The following PRELID2 variants were observed in gnomAD, a reference collection of about 807,000 sequenced individuals.
The protein encoded by PRELID2 is PRELI domain containing 2, also known as PRELI domain-containing protein 2.
PRELID2 carries 25 observed loss-of-function variants against 28.4 expected under a neutral mutation model. The ratio of observed to expected loss-of-function variants is 0.88; its 90% confidence interval spans 0.64 to 1.23. The LOEUF (loss-of-function observed/expected upper bound fraction) is 1.23, where lower values mean the gene tolerates loss of function less well. Ranked by LOEUF, PRELID2 falls within the 50% of genes most tolerant of loss-of-function variation. The pLI is 0.00. For synonymous variants in PRELID2, 76 were observed against 71.6 expected (o/e 1.06, Z -0.31); for missense variants, 201 against 214.4 (o/e 0.94, Z 0.39).
rs573246565 is a variant in PRELID2, at chr5:145,746,244, C to T, written n.70+18687G>A. ...GCAAATTAGATAAAGAGTCAAGACCCGTCGGCGTGCTGTATTCAGGAGACC... is the reference window on the plus strand; with the variant it reads ...GCAAATTAGATAAAGAGTCAAGACCTGTCGGCGTGCTGTATTCAGGAGACC... On this transcript the variant is annotated intron_variant and non_coding_transcript_variant, in intron 1 of 2. Coordinates refer to the PRELID2 transcript ENST00000510259. Among the ~76,000 whole-genome samples the T allele has an allele frequency of 1.6e-4, 24 of 152,198 alleles. No individual in the cohort carries two copies. In the South Asian group the frequency reaches 4.0e-3, roughly 25 times the overall value.
At chr5:145,293,262 A>G in the PRELID2 span, among the ~76,000 whole-genome samples, 2 of 150,960 alleles carry the variant, frequency 1.3e-5, no homozygotes, top group African/African-American at 2.4e-5. Flanking sequence ...AGACTTGGGT[A>G]TCTAAGTATT....
At chr5:145,342,255 A>G in the PRELID2 span, among the ~76,000 whole-genome samples, 1 of 152,174 alleles carries the variant, frequency 6.6e-6, no homozygotes, top group African/African-American at 2.4e-5. Flanking sequence ...AAAAGGTTCA[A>G]AAGAGTCCCA....
the PRELID2 span, among the ~76,000 whole-genome samples, chr5:145,295,410 T>G: frequency 2.6e-5 from 4 of 152,134 alleles, no homozygotes; most frequent in Non-Finnish European, 5.9e-5. Flanking sequence ...CCAAACATAG[T>G]TAATTGTGAA....
At chr5:145,571,633 G>A (rs1452962789) in intron 1 of PRELID2, among the ~76,000 whole-genome samples, 1 of 152,074 alleles carries the variant, frequency 6.6e-6, no homozygotes, top group African/African-American at 2.4e-5. Context: ...CTTGATCCAG[G>A]AGAGAATTAA....
chr5:145,547,806 A>G (rs938631299), intron 1 of PRELID2, among the ~76,000 whole-genome samples: 1 of 152,226 alleles, frequency 6.6e-6, no homozygotes, highest in Non-Finnish European at 1.5e-5. Context: ...ATCTGAATAA[A>G]TTAAAGGAAC....
chr5:145,438,559 A>G, the PRELID2 span, among the ~76,000 whole-genome samples: 3 of 152,132 alleles, frequency 2.0e-5, no homozygotes, highest in Non-Finnish European at 4.4e-5. Flanking sequence ...AACTGTCAGG[A>G]TTTTTATTAT....
the PRELID2 span, among the ~76,000 whole-genome samples, chr5:145,418,378 G>GA: frequency 5.0e-4 from 76 of 151,774 alleles, no homozygotes; most frequent in Non-Finnish European, 7.8e-4. Flanking sequence ...CACAGAATTA[G>GA]AAAAAAAACT....
the PRELID2 span, among the ~76,000 whole-genome samples, chr5:145,376,435 TCTC>T: frequency 1.3e-5 from 2 of 152,144 alleles, no homozygotes; most frequent in East Asian, 1.9e-4. Context: ...AGGAGTCCCT[TCTC>T]CTCAATTTTT....
chr5:145,661,345 G>T (rs895335522), intron 1 of PRELID2, among the ~76,000 whole-genome samples: 1 of 151,848 alleles, frequency 6.6e-6, no homozygotes, highest in African/African-American at 2.4e-5. Flanking sequence ...TTTTATTTGC[G>T]CCAAGTCTTA....
chr5:145,815,403 T>C (rs143837324), intron 4 of PRELID2, among the ~76,000 whole-genome samples: 41 of 152,372 alleles, frequency 2.7e-4, no homozygotes, highest in Admixed American at 1.2e-3. Context: ...TATCGTTTTC[T>C]GTATTGAGAT....
chr5:145,289,388 A>C, the PRELID2 span, among the ~76,000 whole-genome samples: 1 of 152,188 alleles, frequency 6.6e-6, no homozygotes, highest in African/African-American at 2.4e-5. Context: ...GGAACCTAGC[A>C]ATATGGACTT....
the PRELID2 span, among the ~76,000 whole-genome samples, chr5:145,393,780 G>A: frequency 6.6e-6 from 1 of 152,160 alleles, no homozygotes; most frequent in African/African-American, 2.4e-5. Flanking sequence ...TACGTGTGGA[G>A]AAAATTTTAG....
At chr5:145,677,145 G>C (rs146193353) in intron 1 of PRELID2, among the ~76,000 whole-genome samples, 2,811 of 146,594 alleles carry the variant, frequency 0.019, 100 homozygotes, top group African/African-American at 0.067. Flanking sequence ...TTTGTTTTTT[G>C]GTTTTGGTTT....
the PRELID2 span, among the ~76,000 whole-genome samples, chr5:145,265,508 C>T: frequency 1.3e-3 from 193 of 152,124 alleles, 4 homozygotes; most frequent in East Asian, 0.031. Context: ...CCTGCACAGC[C>T]AAAGCAAGAC....
chr5:145,336,611 C>T, the PRELID2 span, among the ~76,000 whole-genome samples: 2 of 152,092 alleles, frequency 1.3e-5, no homozygotes, highest in African/African-American at 4.8e-5. Context: ...TCTGAGGGCT[C>T]TGTTCTGTTC....
chr5:145,832,519 A>G (rs553288169), intron 1 of PRELID2, among the ~76,000 whole-genome samples: 2 of 152,192 alleles, frequency 1.3e-5, no homozygotes, highest in African/African-American at 4.8e-5. Context: ...TATTACCTCA[A>G]TAATCGTTGA....
At chr5:145,778,338 G>C (rs1171096992) in intron 5 of PRELID2, among the ~76,000 whole-genome samples, 1 of 152,164 alleles carries the variant, frequency 6.6e-6, no homozygotes, top group Non-Finnish European at 1.5e-5. Context: ...GCAGAGAGGA[G>C]CTTCTCACTC....
chr5:145,744,604 C>A (rs566971150), intron 1 of PRELID2, among the ~76,000 whole-genome samples: 46 of 152,250 alleles, frequency 3.0e-4, no homozygotes, highest in African/African-American at 1.1e-3. Context: ...ACCACAGCAA[C>A]CCTACAGAAG....
At chr5:145,422,681 CTT>C in the PRELID2 span, among the ~76,000 whole-genome samples, 3 of 152,018 alleles carry the variant, frequency 2.0e-5, no homozygotes, top group Non-Finnish European at 2.9e-5. Flanking sequence ...GGTCTTGACT[CTT>C]TATCCAATTT....
Sources: gnomAD v4.1 joint callset for allele counts (sites outside exome capture counted in the v4.1 genomes callset) on GRCh38, gnomAD v4.1.1 for gene constraint, MANE v1.5 for transcripts, NCBI Gene and HGNC (gene_info 2026-07-23, HGNC 2026-07-21) for gene names.